The following RBFOX1 variants were observed in gnomAD, a reference collection of about 807,000 sequenced individuals.
RBFOX1 encodes the protein RNA binding protein fox-1 homolog 1.
In RBFOX1, 8 loss-of-function variants were observed where a neutral mutation model predicts 57.7. The ratio of observed to expected loss-of-function variants is 0.14; its 90% CI spans 0.08 to 0.25. The LOEUF (loss-of-function observed/expected upper bound fraction) is 0.25. Ranked by LOEUF, RBFOX1 falls within the 10% of genes least tolerant of loss-of-function variation. The pLI, the probability that RBFOX1 is intolerant of heterozygous loss-of-function variation, is 1.00. For synonymous variants in RBFOX1, 326 were observed against 222.4 expected, an observed-to-expected ratio of 1.47 and a Z score of -4.15; for missense variants, 611 against 548.5, an observed-to-expected ratio of 1.11 and a Z score of -1.14.
intron 2 of RBFOX1, among the ~76,000 whole-genome samples, chr16:6,561,230 G>A (rs528993122): frequency 2.0e-5 from 3 of 152,246 alleles, no homozygotes; most frequent in African/African-American, 7.2e-5. Context: ...GTCTACTAGG[G>A]AAAAGATTCA....
chr16:6,175,298 C>A (rs1194357218), intron 1 of RBFOX1, among the ~76,000 whole-genome samples: 1 of 152,162 alleles, frequency 6.6e-6, no homozygotes, highest in African/African-American at 2.4e-5. Flanking sequence ...AACACATTGT[C>A]CACAAAAGAT....
At chr16:6,727,422 T>C (rs1259712222) in intron 3 of RBFOX1, among the ~76,000 whole-genome samples, 3 of 152,152 alleles carry the variant, frequency 2.0e-5, no homozygotes, top group African/African-American at 4.8e-5. Context: ...CTGGTTTTTT[T>C]TTCTTTTTTT....
At chr16:7,332,773 C>CTTTGCAGCTGCTGTG (rs1415904122) in intron 4 of RBFOX1, 12 of 1,383,386 alleles carry the variant, frequency 8.7e-6, no homozygotes, top group Non-Finnish European at 1.0e-5. Flanking sequence ...GTAGCTTCAA[C>CTTTGCAGCTGCTGTG]TTTGCAGCTG....
intron 4 of RBFOX1, among the ~76,000 whole-genome samples, chr16:7,414,906 A>G (rs915936984): frequency 6.6e-6 from 1 of 152,236 alleles, no homozygotes; most frequent in African/African-American, 2.4e-5. Context: ...GTGGTGAGCC[A>G]CGGCGCCCAG....
intron 3 of RBFOX1, among the ~76,000 whole-genome samples, chr16:6,852,465 T>C (rs2094123154): frequency 6.6e-6 from 1 of 152,220 alleles, no homozygotes; most frequent in Admixed American, 6.5e-5. Context: ...GTGGCTATTA[T>C]CTGGCTTATT....
At chr16:6,912,701 C>A (rs1056276757) in intron 3 of RBFOX1, among the ~76,000 whole-genome samples, 1 of 151,816 alleles carries the variant, frequency 6.6e-6, no homozygotes, top group African/African-American at 2.4e-5. Flanking sequence ...CTGTAGCGCC[C>A]CAACCTCCTG....
chr16:6,234,813 A>G (rs1401827716), intron 1 of RBFOX1, among the ~76,000 whole-genome samples: 1 of 144,106 alleles, frequency 6.9e-6, no homozygotes, highest in African/African-American at 2.5e-5. Flanking sequence ...TGAACTACAC[A>G]CAGACACACA....
rs186921784 is a variant in RBFOX1 at position 6,902,808 on chromosome 16, A to G, written c.-15-149249A>G. 9.3e-4 allele frequency among the ~76,000 whole-genome samples: 142 copies of G among 152,324 alleles called. 4 individuals are homozygous for G. The highest frequency in any genetic ancestry group is 5.4e-3 in the Admixed American group (83 of 15,302). On this transcript the variant is annotated intron_variant, in intron 3 of 15. Coordinates refer to ENST00000550418, the MANE Select transcript of RBFOX1 (RefSeq NM_018723.4). The stretch of plus-strand genomic sequence containing the variant: ...TGTCATCAGAACCAAATAAAGCTTT[A>G]ACATTATCCATGATTGTACACTGTT...
intron 3 of RBFOX1, among the ~76,000 whole-genome samples, chr16:5,607,402 C>T (rs552085263): frequency 1.2e-4 from 18 of 146,296 alleles, no homozygotes; most frequent in Admixed American, 1.0e-3. Flanking sequence ...GCACAGATAG[C>T]GCAGGGTCTG....
At chr16:5,639,514 T>G (rs1160555345) in intron 3 of RBFOX1, among the ~76,000 whole-genome samples, 3 of 152,134 alleles carry the variant, frequency 2.0e-5, no homozygotes, top group African/African-American at 7.2e-5. Flanking sequence ...ATAACACTAG[T>G]CAAATGGGAC....
At chr16:6,115,224 C>G (rs572473698) in intron 1 of RBFOX1, among the ~76,000 whole-genome samples, 1 of 152,172 alleles carries the variant, frequency 6.6e-6, no homozygotes, top group Non-Finnish European at 1.5e-5. Flanking sequence ...TCCTGCCAGT[C>G]TCCTACCTAA....
chr16:5,749,628 A>C (rs552462352), intron 3 of RBFOX1, among the ~76,000 whole-genome samples: 4 of 152,152 alleles, frequency 2.6e-5, no homozygotes, highest in African/African-American at 9.7e-5. Context: ...ATCTTCAATC[A>C]CTGATACCCT....
Position 6,386,024 on chromosome 16 carries a change from C to T in RBFOX1, c.-64+68967C>T, listed in dbSNP as rs185592487. ...GATCTCGGCTCACTGCAAGCTCCGC[C>T]TCCCGGGTTCACACCATTCTCCTGC... On this transcript the variant is annotated intron_variant, in intron 2 of 15. Transcript: ENST00000550418. Among the ~76,000 whole-genome samples the T allele has an allele frequency of 7.8e-3, 1,179 of 151,980 alleles. 11 individuals are homozygous for T. The highest frequency in any genetic ancestry group is 0.027 in the African/African-American group (1,112 of 41,424).
chr16:5,591,016 A>ATTTTTTTT (rs79854783), intron 2 of RBFOX1, among the ~76,000 whole-genome samples: 1 of 141,058 alleles, frequency 7.1e-6, no homozygotes, highest in African/African-American at 2.6e-5. Context: ...TGAGCTAAAC[A>ATTTTTTTT]TTTTTTTTTT....
intron 2 of RBFOX1, among the ~76,000 whole-genome samples, chr16:6,618,205 T>C (rs1340640079): frequency 6.6e-6 from 1 of 152,174 alleles, no homozygotes; most frequent in Non-Finnish European, 1.5e-5. Flanking sequence ...GCACCCTGCC[T>C]AGTGGTCTAC....
intron 3 of RBFOX1, among the ~76,000 whole-genome samples, chr16:6,791,692 G>C (rs548960342): frequency 1.3e-5 from 2 of 152,170 alleles, no homozygotes; most frequent in African/African-American, 4.8e-5. Context: ...CTGGGAGGCA[G>C]AGGTTGCAGT....
intron 3 of RBFOX1, among the ~76,000 whole-genome samples, chr16:6,772,246 T>A (rs983635491): frequency 2.6e-5 from 4 of 152,062 alleles, no homozygotes; most frequent in Non-Finnish European, 5.9e-5. Flanking sequence ...ATATCATATT[T>A]TATATACAAC....
intron 4 of RBFOX1, among the ~76,000 whole-genome samples, chr16:7,463,799 C>T (rs796725493): frequency 2.0e-5 from 3 of 152,290 alleles, no homozygotes; most frequent in East Asian, 1.9e-4. Flanking sequence ...ATAACGACAA[C>T]AGCTGCTATT....
chr16:6,887,358 C>T (rs1289651417), intron 3 of RBFOX1, among the ~76,000 whole-genome samples: 2 of 152,074 alleles, frequency 1.3e-5, no homozygotes, highest in Non-Finnish European at 2.9e-5. Flanking sequence ...GAGAAGTTGA[C>T]AGTTCTCCCT....
Sources: allele counts gnomAD v4.1 joint callset (sites outside exome capture counted in the v4.1 genomes callset), GRCh38; gene constraint gnomAD v4.1.1; transcripts MANE v1.5; gene names NCBI Gene and HGNC (gene_info 2026-07-23, HGNC 2026-07-21).